PLEKHA2: variants seen among roughly 807,000 people sequenced by gnomAD.
PLEKHA2 encodes the protein pleckstrin homology domain containing A2, also known as pleckstrin homology domain-containing family A member 2.
PLEKHA2 carries 28 observed loss-of-function variants against 53.2 expected under a neutral mutation model. That is an observed-to-expected ratio of 0.53 (90% CI 0.39 to 0.72). The LOEUF is 0.72. Ranked by LOEUF, PLEKHA2 falls within the 30% of genes least tolerant of loss-of-function variation. The probability of loss-of-function intolerance (pLI) is 0.00; values close to 1 mark genes in which losing one functional copy is unlikely to be tolerated. For synonymous variants in PLEKHA2, 193 were observed against 196.4 expected, an observed-to-expected ratio of 0.98 and a Z score of 0.14; for missense variants, 426 against 537.9, an observed-to-expected ratio of 0.79 and a Z score of 2.06.
Position 38,946,130 on chromosome 8 carries a change from ATGCCCTGTC to A in PLEKHA2, c.256_264del (p.Ala86_Ser88del). The A allele has an allele frequency of 1.2e-6, 2 of 1,604,742 alleles. No individual in the cohort carries two copies. Among genetic ancestry groups the A allele is most frequent in the Non-Finnish European group, 1.7e-6 (2 of 1,175,370 alleles). ...TTTTCTGTGGCTTTTGTAGTTATCA[ATGCCCTGTC>A]TCAGAGATATTTCCTTCAAGCCAAT... On this transcript the variant is annotated inframe_deletion, in exon 5 of 12. Coordinates refer to ENST00000617275, the MANE Select transcript of PLEKHA2 (RefSeq NM_021623.2).
At chr8:38,906,337 G>A (rs1044269311) in intron 1 of PLEKHA2, among the ~76,000 whole-genome samples, 2 of 152,192 alleles carry the variant, frequency 1.3e-5, no homozygotes, top group African/African-American at 4.8e-5. Flanking sequence ...GGTCATGAGT[G>A]TCTGAAATAT....
chr8:38,917,733 T>G (rs1473908745), intron 1 of PLEKHA2, among the ~76,000 whole-genome samples, 174 bp from the exon 2 acceptor site: 2 of 152,214 alleles, frequency 1.3e-5, no homozygotes, highest in East Asian at 3.9e-4. Context: ...TGAATGGATT[T>G]TTAGGGGTGC....
At chr8:38,965,479 A>C (rs1385180700) in intron 10 of PLEKHA2, among the ~76,000 whole-genome samples, 1 of 152,156 alleles carries the variant, frequency 6.6e-6, no homozygotes, top group Non-Finnish European at 1.5e-5. Flanking sequence ...CAGATCTCCT[A>C]TGTGACATAG....
chr8:38,943,388 A>C (rs1834647315), intron 3 of PLEKHA2, among the ~76,000 whole-genome samples: 1 of 152,134 alleles, frequency 6.6e-6, no homozygotes. Context: ...CAGGAGGTGG[A>C]GACTGGAGGA....
chr8:38,969,099 C>A (rs1588283442), intron 11 of PLEKHA2: 3 of 331,864 alleles, frequency 9.0e-6, no homozygotes, highest in Non-Finnish European at 1.7e-5. Context: ...TGGGGTTTCA[C>A]CATGTTGGCT....
At chr8:38,924,762 G>C (rs578061618) in intron 2 of PLEKHA2, among the ~76,000 whole-genome samples, 1 of 152,234 alleles carries the variant, frequency 6.6e-6, no homozygotes, top group Non-Finnish European at 1.5e-5. Context: ...ACATACGGTG[G>C]GGGTGTGTTG....
chr8:38,951,026 G>C, intron 6 of PLEKHA2, 36 bp downstream of exon 6: 1 of 1,598,944 alleles, frequency 6.3e-7, no homozygotes, highest in East Asian at 2.2e-5. Context: ...GGGGAGTGGG[G>C]GTGTGGAAGT....
chr8:38,942,381 T>G (rs1248496974), intron 3 of PLEKHA2, among the ~76,000 whole-genome samples: 1 of 152,046 alleles, frequency 6.6e-6, no homozygotes, highest in East Asian at 1.9e-4. Context: ...CCAGCCTGGG[T>G]GACAGAATGA....
At chr8:38,947,513 CT>C (rs545268630) in intron 5 of PLEKHA2, among the ~76,000 whole-genome samples, 148 of 152,274 alleles carry the variant, frequency 9.7e-4, no homozygotes, top group Non-Finnish European at 1.5e-3. Context: ...TTCCCAGCTA[CT>C]TAGGAGGCTG....
intron 1 of PLEKHA2, among the ~76,000 whole-genome samples, chr8:38,904,319 C>T (rs1410377274): frequency 6.6e-6 from 1 of 152,244 alleles, no homozygotes; most frequent in Admixed American, 6.5e-5. Flanking sequence ...TGATATTGCC[C>T]AGTGTGGGCA....
rs573564740 is a variant in PLEKHA2, at chr8:38,959,009, G to A, written c.837+1623G>A. Among the ~76,000 whole-genome samples the A allele has an allele frequency of 3.9e-5, 6 of 152,276 alleles. No homozygotes were observed. The East Asian group carries it at 7.7e-4, about 20-fold the overall frequency. ...GTGATGAAGAACTTGACAGCACAAA[G>A]AATTGACCTAATGTATGCAAATTGA... On this transcript the variant is annotated intron_variant, in intron 10 of 11. Coordinates refer to ENST00000617275, the MANE Select transcript of PLEKHA2 (RefSeq NM_021623.2).
At chr8:38,914,587 C>T (rs991038997) in intron 1 of PLEKHA2, among the ~76,000 whole-genome samples, 5 of 152,260 alleles carry the variant, frequency 3.3e-5, no homozygotes, top group Non-Finnish European at 7.3e-5. Flanking sequence ...AGGAACTCCA[C>T]TCTGTTGGAG....
chr8:38,954,052 A>C (rs1340995533), intron 9 of PLEKHA2, among the ~76,000 whole-genome samples: 1 of 152,206 alleles, frequency 6.6e-6, no homozygotes, highest in East Asian at 1.9e-4. Flanking sequence ...GGGCATCCAA[A>C]AACCCTTTTT....
intron 3 of PLEKHA2, among the ~76,000 whole-genome samples, chr8:38,938,426 G>A (rs1834536765): frequency 6.6e-6 from 1 of 152,196 alleles, no homozygotes; most frequent in Non-Finnish European, 1.5e-5. Flanking sequence ...GGCAGAGGCC[G>A]CAGCAGAGCT....
chr8:38,949,019 C>T (rs904228989), intron 5 of PLEKHA2, among the ~76,000 whole-genome samples: 5 of 151,994 alleles, frequency 3.3e-5, no homozygotes, highest in African/African-American at 9.7e-5. Context: ...TACAGGTGCC[C>T]GCCACTACGC....
At chr8:38,967,525 C>T (rs904518333) in intron 10 of PLEKHA2, among the ~76,000 whole-genome samples, 2 of 152,104 alleles carry the variant, frequency 1.3e-5, no homozygotes. Flanking sequence ...GTTTTTTGTC[C>T]TAATAATAGC....
chr8:38,905,301 T>A (rs1340024360), intron 1 of PLEKHA2, among the ~76,000 whole-genome samples: 1 of 151,646 alleles, frequency 6.6e-6, no homozygotes, highest in Non-Finnish European at 1.5e-5. Context: ...CTACAAAAAA[T>A]TGAAAAATTA....
chr8:38,950,911 C>T lies in PLEKHA2; in HGVS notation c.407C>T (p.Pro136Leu). 1 of 1,614,032 alleles carries T rather than the reference C, an allele frequency of 6.2e-7. No homozygotes were observed. The highest frequency in any genetic ancestry group is 8.5e-7 in the Non-Finnish European group (1 of 1,179,892). Reference sequence around the variant, plus strand: ...GTTCTCAAGAGCTTAGCAGCTCCTCCAGCCCTGGAGAAGAAGCCACAGGTG... The same window carrying T: ...GTTCTCAAGAGCTTAGCAGCTCCTCTAGCCCTGGAGAAGAAGCCACAGGTG... ...TEVLKSLAAP[P>L]ALEKKPQVAY... Residue 136 changes from proline (P) to leucine (L), a missense_variant, in exon 6 of 12, where the codon CCA becomes CTA. Physicochemically the swap from Pro to Leu is moderately conservative, Grantham distance 98 (BLOSUM62 -3). Transcript: ENST00000617275.
chr8:38,917,686 G>A (rs1210049984), intron 1 of PLEKHA2, among the ~76,000 whole-genome samples: 4 of 152,136 alleles, frequency 2.6e-5, no homozygotes, highest in Non-Finnish European at 5.9e-5. Context: ...TGCTATCCTG[G>A]GCACATAGAG....
Sources: gnomAD v4.1 joint callset for allele counts (sites outside exome capture counted in the v4.1 genomes callset) on GRCh38, gnomAD v4.1.1 for gene constraint, MANE v1.5 for transcripts, NCBI Gene and HGNC (gene_info 2026-07-23, HGNC 2026-07-21) for gene names.